The following EIF2AK2 variants were observed in gnomAD, a reference collection of about 807,000 sequenced individuals.
EIF2AK2 encodes the protein interferon-induced, double-stranded RNA-activated protein kinase.
Under a neutral mutation model 70.5 loss-of-function variants are expected in EIF2AK2, and 40 were observed. The observed-to-expected ratio is 0.57, with a 90% CI of 0.44 to 0.74. EIF2AK2 has a LOEUF of 0.74. Ranked by LOEUF, EIF2AK2 falls within the 30% of genes least tolerant of loss-of-function variation. EIF2AK2 has a pLI of 0.00. For missense variants in EIF2AK2, 555 were observed against 644.3 expected (o/e 0.86, Z 1.50); for synonymous variants, 198 against 220.9 (o/e 0.90, Z 0.92).
At chr2:37,140,750 T>C (rs185599244) in intron 5 of EIF2AK2, among the ~76,000 whole-genome samples, 300 of 152,364 alleles carry the variant, frequency 2.0e-3, no homozygotes, top group African/African-American at 6.8e-3. Flanking sequence ...TTCATTCCAA[T>C]GAATACTATA....
In EIF2AK2 at chr2:37,107,155, T is replaced by TAA; in HGVS notation, c.*116_*117dup. The stretch of plus-strand genomic sequence containing the variant: ...TCTGCAGAAAGATTAGTAAAAATAG[T>TAA]AAAAAATTAAAGGAAACATTAAAAT... On this transcript the variant is annotated 3_prime_UTR_variant, in exon 17 of 17. Transcript: ENST00000233057. 1.6e-6 allele frequency: 2 copies of TAA among 1,257,434 alleles called. No individual in the cohort carries two copies. Among genetic ancestry groups the TAA allele is most frequent in the South Asian group, 2.3e-5 (1 of 43,616 alleles). 77.9% of individuals were successfully genotyped at this position (1,257,434 alleles called of 1,614,324 possible). A position where few individuals can be genotyped will look rare whatever the true frequency, so the allele number is the denominator to read the frequency against.
chr2:37,115,851 C>T (rs1243523446), intron 13 of EIF2AK2, among the ~76,000 whole-genome samples: 1 of 152,124 alleles, frequency 6.6e-6, no homozygotes, highest in African/African-American at 2.4e-5. Context: ...ATATTTTTAT[C>T]CATGCAATTC....
At chr2:37,136,119 T>C (rs955409137) in intron 9 of EIF2AK2, among the ~76,000 whole-genome samples, 1 of 152,204 alleles carries the variant, frequency 6.6e-6, no homozygotes, top group Non-Finnish European at 1.5e-5. Context: ...TCCTAGCTGT[T>C]ATTCCTTACT....
Position 37,126,377 on chromosome 2 carries a change from C to T in EIF2AK2, c.820G>A (p.Gly274Ser). 6.2e-7 allele frequency: 1 copy of T among 1,610,858 alleles called. No individual in the cohort carries two copies. Among genetic ancestry groups the T allele is most frequent in the Non-Finnish European group, 8.5e-7 (1 of 1,178,870 alleles). Residue 274 changes from glycine (G) to serine (S), a missense_variant, in exon 11 of 17, where the codon GGC becomes AGC. Transcript: ENST00000233057. ...AAAACTTGGCCAAATCCACCTGAGC[C>T]AATTAATTCTATTTCTTTAAAATCC... ...GMDFKEIELI[G>S]SGGFGQVFKA... is the part of the protein sequence containing the mutation.
intron 10 of EIF2AK2, among the ~76,000 whole-genome samples, chr2:37,133,472 C>T (rs1675018758): frequency 6.6e-6 from 1 of 152,168 alleles, no homozygotes; most frequent in Non-Finnish European, 1.5e-5. Flanking sequence ...CAGCCCTACC[C>T]CCAATTCCCC....
At chr2:37,140,604 C>CT (rs980494397) in intron 5 of EIF2AK2, among the ~76,000 whole-genome samples, 3 of 151,476 alleles carry the variant, frequency 2.0e-5, no homozygotes, top group Non-Finnish European at 4.4e-5. Flanking sequence ...GATACTGCCC[C>CT]CCCCCGCAAA....
Position 37,141,572 on chromosome 2 carries a change from C to T in EIF2AK2, c.370G>A (p.Gly124Arg), listed in dbSNP as rs1232315987. ...TCTTACCCTTCTGGCCCATGCACCC[C>T]CGATGCACACTGTTCATAATTTACA... is the stretch of plus-strand genomic sequence containing the variant. ...LTVNYEQCASGVHGPEGFHYK... is the reference protein window; with the variant it reads ...LTVNYEQCASRVHGPEGFHYK... The change falls in exon 5 of 17, where the codon GGG (glycine) becomes AGG (arginine). Residue 124 changes from glycine (G) to arginine (R), a missense_variant. Gly to Arg is a moderately radical substitution (Grantham distance 125). Coordinates refer to ENST00000233057, the MANE Select transcript of EIF2AK2 (RefSeq NM_001135651.3). 6.2e-7 allele frequency: 1 copy of T among 1,613,804 alleles called. No homozygotes were observed. Among genetic ancestry groups the T allele is most frequent in the Non-Finnish European group, 8.5e-7 (1 of 1,179,946 alleles).
intron 4 of EIF2AK2, among the ~76,000 whole-genome samples, chr2:37,143,253 G>A (rs939725335): frequency 6.7e-6 from 1 of 150,338 alleles, no homozygotes; most frequent in Non-Finnish European, 1.5e-5. Context: ...ATCAATGTTG[G>A]TCTGGGTGGT....
In EIF2AK2 at chr2:37,146,821, C is replaced by G. The variant is rs1332078764; in HGVS notation, c.240+32G>C. ...GAAACAGAAAATGTATTTGCAAGTT[C>G]CCATTTATTAGGAAAAAAGGCAATC... On this transcript the variant is annotated intron_variant, in intron 4 of 16. Transcript: ENST00000233057. 3 of 1,493,500 alleles carry G rather than the reference C, an allele frequency of 2.0e-6. No individual in the cohort carries two copies. The South Asian group carries it at 3.5e-5, about 17-fold the overall frequency. 92.5% of individuals were successfully genotyped at this position (1,493,500 alleles called of 1,614,324 possible).
intron 13 of EIF2AK2, among the ~76,000 whole-genome samples, chr2:37,118,683 C>T (rs1674430902): frequency 6.6e-6 from 1 of 152,198 alleles, no homozygotes; most frequent in Admixed American, 6.5e-5. Flanking sequence ...CAAAGAACAA[C>T]TTCAGATATT....
chr2:37,152,020 C>T (rs2148717970), intron 1 of EIF2AK2, among the ~76,000 whole-genome samples: 2 of 152,306 alleles, frequency 1.3e-5, no homozygotes, highest in East Asian at 3.9e-4. Flanking sequence ...GAGCTGAGAT[C>T]GCGCCACTGC....
intron 10 of EIF2AK2, among the ~76,000 whole-genome samples, chr2:37,131,318 C>T (rs1674931740): frequency 6.6e-6 from 1 of 152,226 alleles, no homozygotes; most frequent in Non-Finnish European, 1.5e-5. Context: ...GGGAGATTCC[C>T]TCCAACCAGT....
rs943430256 is a variant in EIF2AK2, at chr2:37,139,681, A to G, written c.466T>C (p.Leu156=). 4.2e-5 allele frequency: 68 copies of G among 1,613,952 alleles called. No homozygotes were observed. Among genetic ancestry groups the G allele is most frequent in the Non-Finnish European group, 5.3e-5 (62 of 1,180,006 alleles). The change falls in exon 6 of 17, where the codon TTG becomes CTG. Residue 156 remains leucine (L), a synonymous_variant. Coordinates refer to ENST00000233057, the MANE Select transcript of EIF2AK2 (RefSeq NM_001135651.3). ...TGAAGATATGCAAGTTTAGCGGCCAATTGTTTTGCTTCCTGTTTAGTAGAA... is the reference window on the plus strand; with the variant it reads ...TGAAGATATGCAAGTTTAGCGGCCAGTTGTTTTGCTTCCTGTTTAGTAGAA... ...TGSTKQEAKQ[L]AAKLAYLQIL... is the part of the protein sequence containing the mutation.
At chr2:37,122,202 C>A (rs889308311) in intron 12 of EIF2AK2, among the ~76,000 whole-genome samples, 1 of 152,130 alleles carries the variant, frequency 6.6e-6, no homozygotes, top group African/African-American at 2.4e-5. Context: ...AAACAGCCTG[C>A]GCTGAAGCCG....
intron 15 of EIF2AK2, 105 bp downstream of exon 15, chr2:37,109,089 G>A (rs1382248822): frequency 3.3e-6 from 3 of 918,862 alleles, no homozygotes; most frequent in Admixed American, 2.5e-5. Flanking sequence ...ATACTAATAT[G>A]CTCAAGCCCA....
At chr2:37,153,150 T>G (rs1240831744) in intron 1 of EIF2AK2, among the ~76,000 whole-genome samples, 1 of 152,068 alleles carries the variant, frequency 6.6e-6, no homozygotes, top group Non-Finnish European at 1.5e-5. Context: ...TTTAAAATTG[T>G]GATAAAATAC....
intron 1 of EIF2AK2, among the ~76,000 whole-genome samples, chr2:37,153,104 T>A (rs1675801916): frequency 6.7e-6 from 1 of 150,056 alleles, no homozygotes; most frequent in African/African-American, 2.4e-5. Context: ...CAATTCCTTC[T>A]CTACCCTGCA....
At chr2:37,130,061 T>C (rs1674885788) in intron 10 of EIF2AK2, among the ~76,000 whole-genome samples, 1 of 152,196 alleles carries the variant, frequency 6.6e-6, no homozygotes, top group Non-Finnish European at 1.5e-5. Context: ...CTATGGGGAC[T>C]CAAGTCCATC....
intron 13 of EIF2AK2, among the ~76,000 whole-genome samples, chr2:37,117,430 G>T (rs1012925028): frequency 2.0e-5 from 3 of 151,732 alleles, no homozygotes; most frequent in Non-Finnish European, 2.9e-5. Flanking sequence ...CCAGCTATGT[G>T]GGGGGCCGAG....
Sources: allele counts gnomAD v4.1 joint callset (sites outside exome capture counted in the v4.1 genomes callset), GRCh38; gene constraint gnomAD v4.1.1; transcripts MANE v1.5; gene names NCBI Gene and HGNC (gene_info 2026-07-23, HGNC 2026-07-21).